Variants in RIN2 observed in about 807,000 individuals in gnomAD.
RIN2 encodes Ras and Rab interactor 2.
A neutral mutation model predicts 78.0 loss-of-function variants in RIN2; 36 were observed. The ratio of observed to expected loss-of-function variants is 0.46; its 90% confidence interval spans 0.35 to 0.61. The LOEUF is 0.61. Ranked by LOEUF, RIN2 falls within the 20% of genes least tolerant of loss-of-function variation. The pLI, the probability that RIN2 is intolerant of heterozygous loss-of-function variation, is 0.00. For synonymous variants in RIN2, 466 were observed against 466.8 expected (o/e 1.00, Z 0.02); for missense variants, 1,087 against 1,159.7 (o/e 0.94, Z 0.91).
intron 4 of RIN2, 64 bp downstream of exon 4, chr20:19,935,263 A>AGCCCTTGGC: frequency 7.0e-7 from 1 of 1,424,874 alleles, no homozygotes; most frequent in Non-Finnish European, 9.6e-7. Context: ...TGGCACTGCC[A>AGCCCTTGGC]AGGGCTGACT....
At chr20:19,859,950 A>T (rs1365034835) in intron 2 of RIN2, among the ~76,000 whole-genome samples, 3 of 152,208 alleles carry the variant, frequency 2.0e-5, no homozygotes, top group Non-Finnish European at 4.4e-5. Flanking sequence ...GAAGGAAGCC[A>T]GTATAGAGTG....
chr20:19,915,472 A>G (rs979641232), intron 3 of RIN2, among the ~76,000 whole-genome samples: 1 of 152,170 alleles, frequency 6.6e-6, no homozygotes, highest in Admixed American at 6.5e-5. Context: ...AGGTGCCTGC[A>G]GTAGAGCCAT....
chr20:19,763,013 C>A (rs1016058577), intron 1 of RIN2, among the ~76,000 whole-genome samples: 1 of 152,142 alleles, frequency 6.6e-6, no homozygotes, highest in African/African-American at 2.4e-5. Flanking sequence ...AATCCACCCA[C>A]CTTGGCCTCC....
intron 2 of RIN2, among the ~76,000 whole-genome samples, chr20:19,852,461 A>G (rs554623141): frequency 1.2e-4 from 18 of 152,330 alleles, no homozygotes; most frequent in Non-Finnish European, 2.2e-4. Flanking sequence ...AAATTAATGT[A>G]GAACATCAAG....
chr20:19,975,555 G>A lies in RIN2; in HGVS notation c.1530G>A (p.Pro510=), dbSNP rs755250708. 4.3e-6 allele frequency: 7 copies of A among 1,614,044 alleles called. No individual in the cohort carries two copies. The highest frequency in any genetic ancestry group is 4.5e-5 in the East Asian group (2 of 44,880). ...GGGTGTTCAGCTCCTTCATGACCCC[G>A]GAGAAGCGGATGGTCCGCAGGATCG... The part of the protein sequence containing the change: ...VSGVFSSFMT[P]EKRMVRRIAE... Residue 510 remains proline, a synonymous_variant, in exon 9 of 13, where the codon CCG becomes CCA. Transcript: ENST00000255006. This position sits in a 1 kb window ranked among gnomAD's most constrained non-coding sequence, Gnocchi z 4.9.
At chr20:19,891,643 A>G (rs2038467513) in intron 3 of RIN2, among the ~76,000 whole-genome samples, 1 of 152,184 alleles carries the variant, frequency 6.6e-6, no homozygotes, top group Admixed American at 6.5e-5. Flanking sequence ...ACATGGCGAA[A>G]CCCCATCTCT....
At chr20:19,926,836 G>T (rs978922383) in intron 3 of RIN2, among the ~76,000 whole-genome samples, 7 of 152,202 alleles carry the variant, frequency 4.6e-5, no homozygotes, top group Non-Finnish European at 5.9e-5. Flanking sequence ...TTTGAAGAGC[G>T]CTGTATCAGG....
chr20:19,961,692 C>T (rs577489331), intron 6 of RIN2, among the ~76,000 whole-genome samples: 4 of 152,044 alleles, frequency 2.6e-5, no homozygotes, highest in Non-Finnish European at 5.9e-5. Context: ...CTTGCTGAGC[C>T]AAATGACCAT....
At chr20:19,956,235 G>A (rs1367679967) in intron 4 of RIN2, among the ~76,000 whole-genome samples, 2 of 118,724 alleles carry the variant, frequency 1.7e-5, no homozygotes, top group African/African-American at 3.4e-5. Flanking sequence ...TCCAGCCTGG[G>A]CAACAGAATA....
intron 4 of RIN2, among the ~76,000 whole-genome samples, chr20:19,950,985 G>A (rs975560259): frequency 6.6e-6 from 1 of 151,164 alleles, no homozygotes; most frequent in Non-Finnish European, 1.5e-5. Flanking sequence ...CACCTCCCAA[G>A]CTCAAGCAAT....
chr20:19,803,258 C>G (rs907534754), intron 2 of RIN2, among the ~76,000 whole-genome samples: 7 of 152,136 alleles, frequency 4.6e-5, no homozygotes, highest in African/African-American at 7.2e-5. Flanking sequence ...GCAAGTCTTG[C>G]TGGAAAATAA....
chr20:19,900,609 G>A (rs6035473), intron 3 of RIN2, among the ~76,000 whole-genome samples: 19,664 of 150,472 alleles, frequency 0.13, 1,753 homozygotes, highest in African/African-American at 0.26. Flanking sequence ...GGCAACACAG[G>A]GAGACCCTGT....
At chr20:19,920,659 A>G (rs1473273491) in intron 3 of RIN2, among the ~76,000 whole-genome samples, 2 of 152,138 alleles carry the variant, frequency 1.3e-5, no homozygotes, top group African/African-American at 4.8e-5. Context: ...TGTAATTTCA[A>G]ACATAGTTCT....
chr20:19,900,808 G>C lies in RIN2; in HGVS notation c.57+11150G>C, dbSNP rs112370022. On this transcript the variant is annotated intron_variant, in intron 3 of 12. Transcript: ENST00000255006. ...TCTACTAAAAATGCAAAATGAGCCA[G>C]GCGTGGTGGCGCATGCCTGTAATCC... 5.6e-3 allele frequency among the ~76,000 whole-genome samples: 854 copies of C among 151,548 alleles called. 14 individuals are homozygous for C. Among genetic ancestry groups the C allele is most frequent in the African/African-American group, 0.02 (818 of 41,288 alleles).
intron 9 of RIN2, among the ~76,000 whole-genome samples, chr20:19,988,365 C>T (rs2042685695): frequency 6.6e-6 from 1 of 152,212 alleles, no homozygotes; most frequent in African/African-American, 2.4e-5. Context: ...AGTGATCTGC[C>T]CACCCCAGCC....
chr20:19,818,247 T>C (rs2035825016), intron 2 of RIN2, among the ~76,000 whole-genome samples: 1 of 152,252 alleles, frequency 6.6e-6, no homozygotes, highest in Non-Finnish European at 1.5e-5. Context: ...TATAATCTTA[T>C]GGCACCACCA....
rs1228700006 is a variant in RIN2 at position 19,965,812 on chromosome 20, A to C, written c.536+788A>C. 3.3e-5 allele frequency among the ~76,000 whole-genome samples: 5 copies of C among 152,134 alleles called. No homozygotes were observed. In the East Asian group the frequency reaches 9.7e-4, roughly 29 times the overall value. The stretch of plus-strand genomic sequence containing the variant: ...TTTTTAGTAGAGACGGGTTTTCACC[A>C]TGTTGACCAGGCTGGTCTTGAACTC... On this transcript the variant is annotated intron_variant, in intron 7 of 12. Transcript: ENST00000255006.
intron 1 of RIN2, among the ~76,000 whole-genome samples, chr20:19,759,279 G>C (rs1353778243): frequency 6.6e-6 from 1 of 152,168 alleles, no homozygotes; most frequent in Non-Finnish European, 1.5e-5. Context: ...GCAGTGTAGC[G>C]GCACTTCCTT....
At chr20:19,852,303 T>G (rs969785714) in intron 2 of RIN2, among the ~76,000 whole-genome samples, 1 of 152,218 alleles carries the variant, frequency 6.6e-6, no homozygotes, top group Non-Finnish European at 1.5e-5. Flanking sequence ...CAGGTGGTGA[T>G]GAAGGCTCCA....
Sources: allele counts gnomAD v4.1 joint callset (sites outside exome capture counted in the v4.1 genomes callset), GRCh38; gene constraint gnomAD v4.1.1; non-coding constraint Gnocchi (gnomAD v3.1); transcripts MANE v1.5; gene names NCBI Gene and HGNC (gene_info 2026-07-23, HGNC 2026-07-21).